The following RIPOR3 variants were observed in gnomAD, a reference collection of about 807,000 sequenced individuals.
The protein encoded by RIPOR3 is RIPOR family member 3.
In RIPOR3, 95 loss-of-function variants were observed where a neutral mutation model predicts 114.3. The ratio of observed to expected loss-of-function variants is 0.83; its 90% CI spans 0.70 to 0.99. The LOEUF is 0.99. Among genes scored for constraint, RIPOR3 ranks in the 50% least tolerant of loss-of-function variants. The probability of loss-of-function intolerance (pLI) is 0.00; values close to 1 mark genes in which losing one functional copy is unlikely to be tolerated. For missense variants in RIPOR3, 1,252 were observed against 1,266.9 expected, an observed-to-expected ratio of 0.99 and a Z score of 0.18; for synonymous variants, 575 against 543.8, an observed-to-expected ratio of 1.06 and a Z score of -0.80.
At chr20:50,669,867 A>G (rs1473563616) in intron 1 of RIPOR3, among the ~76,000 whole-genome samples, 5 of 151,958 alleles carry the variant, frequency 3.3e-5, no homozygotes, top group African/African-American at 7.2e-5. Context: ...CTCTGAAAAA[A>G]AAAAAAAGGC....
intron 13 of RIPOR3, 90 bp downstream of exon 13, chr20:50,601,982 G>C: frequency 7.7e-7 from 1 of 1,294,680 alleles, no homozygotes; most frequent in Non-Finnish European, 1.0e-6. Flanking sequence ...CCAGGATGTC[G>C]GCCCAGGCTG....
At chr20:50,686,566 T>C (rs935672520) in intron 1 of RIPOR3, among the ~76,000 whole-genome samples, 1 of 151,730 alleles carries the variant, frequency 6.6e-6, no homozygotes, top group Non-Finnish European at 1.5e-5. Context: ...CTGACCAATA[T>C]GGTGAAACCC....
chr20:50,609,169 C>T, intron 8 of RIPOR3, 124 bp downstream of exon 8: 2 of 1,335,000 alleles, frequency 1.5e-6, no homozygotes, highest in Non-Finnish European at 2.1e-6. Context: ...AGTCACATGT[C>T]ACATGGATGC....
At chr20:50,599,728 T>C (rs2122958156) in intron 13 of RIPOR3, among the ~76,000 whole-genome samples, 1 of 152,260 alleles carries the variant, frequency 6.6e-6, no homozygotes, top group Non-Finnish European at 1.5e-5. Context: ...TTTGAGCAGC[T>C]CAGATTTTCT....
intron 4 of RIPOR3, among the ~76,000 whole-genome samples, chr20:50,615,696 C>G (rs971927675): frequency 1.6e-4 from 25 of 152,142 alleles, no homozygotes; most frequent in African/African-American, 5.8e-4. Context: ...GAAGCCATCC[C>G]AAGTCCAGGT....
chr20:50,678,860 T>C (rs373788525), intron 1 of RIPOR3, among the ~76,000 whole-genome samples: 107 of 151,894 alleles, frequency 7.0e-4, no homozygotes, highest in African/African-American at 2.5e-3. Flanking sequence ...TCCCAGCACT[T>C]TGGGAGGCCC....
chr20:50,609,739 G>T lies in RIPOR3; in HGVS notation c.427-17C>A. On this transcript the variant is annotated splice_polypyrimidine_tract_variant and intron_variant, in intron 6 of 21. Transcript: ENST00000327979. The stretch of plus-strand genomic sequence containing the variant: ...CTCATCCACCTGTGGTGGGCACACG[G>T]GCTGGTGGCGCTGCCCACGCGGAGG... The T allele has an allele frequency of 7.3e-7, 1 of 1,361,002 alleles. No individual in the cohort carries two copies. Among genetic ancestry groups the T allele is most frequent in the Non-Finnish European group, 9.5e-7 (1 of 1,054,554 alleles). 84.3% of individuals were successfully genotyped at this position (1,361,002 alleles called of 1,614,324 possible).
At chr20:50,683,487 C>T (rs1464188382) in intron 1 of RIPOR3, among the ~76,000 whole-genome samples, 1 of 150,454 alleles carries the variant, frequency 6.6e-6, no homozygotes, top group Non-Finnish European at 1.5e-5. Context: ...GAGTCTCACT[C>T]CATTGGCCAG....
At chr20:50,676,576 C>T (rs1035170496) in intron 1 of RIPOR3, among the ~76,000 whole-genome samples, 1 of 151,940 alleles carries the variant, frequency 6.6e-6, no homozygotes, top group Non-Finnish European at 1.5e-5. Context: ...CACTTGAGCC[C>T]AGGAGGTCAA....
intron 1 of RIPOR3, among the ~76,000 whole-genome samples, chr20:50,654,718 T>C (rs2085745900): frequency 6.6e-6 from 1 of 152,216 alleles, no homozygotes; most frequent in Non-Finnish European, 1.5e-5. Context: ...TTGCTTTTTG[T>C]GTGTGTTTGG....
chr20:50,612,711 C>T (rs1012642369), intron 4 of RIPOR3, among the ~76,000 whole-genome samples: 19 of 151,760 alleles, frequency 1.3e-4, no homozygotes, highest in African/African-American at 2.2e-4. Flanking sequence ...TAGAGGAGGG[C>T]GTCAATCGAG....
chr20:50,597,032 C>G (rs1271160414), intron 14 of RIPOR3: 1 of 153,138 alleles, frequency 6.5e-6, no homozygotes, highest in Non-Finnish European at 1.5e-5. Flanking sequence ...GTGGTGCCAT[C>G]TTGGCTCACT....
At chr20:50,614,624 G>A (rs1477936877) in intron 4 of RIPOR3, 1 of 170,388 alleles carries the variant, frequency 5.9e-6, no homozygotes, top group African/African-American at 2.4e-5. Context: ...TCCTAGCAGT[G>A]TCACCAGATA....
chr20:50,592,243 G>T, intron 19 of RIPOR3, 101 bp downstream of exon 19: 2 of 1,240,346 alleles, frequency 1.6e-6, no homozygotes, highest in Non-Finnish European at 1.1e-6. Flanking sequence ...AGCTACTGCA[G>T]CCCCTGGCAC....
Position 50,633,276 on chromosome 20 carries a change from C to T in RIPOR3, c.4-2420G>A, listed in dbSNP as rs560528596. Among the ~76,000 whole-genome samples, 3 of 151,562 alleles carry T rather than the reference C, an allele frequency of 2.0e-5. No homozygotes were observed. The East Asian group carries it at 5.8e-4, about 29-fold the overall frequency. ...GACTCTGACTAAAAAAAACAAAAAACAAAAAACAAAAAATAGTCAATTGTT... is the reference window on the plus strand; with the variant it reads ...GACTCTGACTAAAAAAAACAAAAAATAAAAAACAAAAAATAGTCAATTGTT... On this transcript the variant is annotated intron_variant, in intron 1 of 21. Coordinates refer to ENST00000327979, the MANE Select transcript of RIPOR3 (RefSeq NM_001290268.2).
intron 16 of RIPOR3, chr20:50,594,998 G>A (rs925163724): frequency 4.0e-5 from 20 of 498,078 alleles, no homozygotes; most frequent in Non-Finnish European, 6.2e-5. Flanking sequence ...GAGGTCCCAC[G>A]GGGCAGAGGC....
At chr20:50,617,677 G>A (rs1308001843) in intron 3 of RIPOR3, among the ~76,000 whole-genome samples, 1 of 143,642 alleles carries the variant, frequency 7.0e-6, no homozygotes, top group African/African-American at 2.6e-5. Context: ...CTAGGCTGGA[G>A]TGCAATAACG....
intron 1 of RIPOR3, among the ~76,000 whole-genome samples, chr20:50,642,774 T>A (rs1419984602): frequency 1.3e-5 from 2 of 150,700 alleles, no homozygotes; most frequent in Non-Finnish European, 2.9e-5. Context: ...AGAGGCCAGG[T>A]GCTGTGGCTC....
At position 50,610,917 on chromosome 20, in the gene RIPOR3, A is replaced by T. The variant is rs763861307; in HGVS notation, c.373-11T>A. ...CACACAGCGCGTTTGCTTCTCCCGG[A>T]AAAAGGGAAGATGTTTGCAAAGTTG... On this transcript the variant is annotated splice_polypyrimidine_tract_variant and intron_variant, in intron 5 of 21. Transcript: ENST00000327979. 2 of 1,613,994 alleles carry T rather than the reference A, an allele frequency of 1.2e-6. No individual in the cohort carries two copies. The highest frequency in any genetic ancestry group is 1.7e-6 in the Non-Finnish European group (2 of 1,180,024).
Sources: gnomAD v4.1 joint callset for allele counts (sites outside exome capture counted in the v4.1 genomes callset) on GRCh38, gnomAD v4.1.1 for gene constraint, MANE v1.5 for transcripts, NCBI Gene and HGNC (gene_info 2026-07-23, HGNC 2026-07-21) for gene names.